SPAST: variants seen among roughly 807,000 people sequenced by gnomAD.
SPAST encodes the protein spastin, also known as spastic paraplegia 4 (autosomal dominant; spastin).
Under a neutral mutation model 76.6 loss-of-function variants are expected in SPAST, and 30 were observed. The ratio of observed to expected loss-of-function variants is 0.39; its 90% CI spans 0.29 to 0.53. SPAST has a LOEUF of 0.53. Among genes scored for constraint, SPAST ranks in the 20% least tolerant of loss-of-function variants. The probability of loss-of-function intolerance (pLI) is 0.68; values close to 1 mark genes in which losing one functional copy is unlikely to be tolerated. For missense variants in SPAST, 717 were observed against 770.5 expected, an observed-to-expected ratio of 0.93 and a Z score of 0.82; for synonymous variants, 305 against 281.0, an observed-to-expected ratio of 1.09 and a Z score of -0.86.
At chr2:32,143,230 G>A in intron 13 of SPAST, 106 bp from the exon 14 acceptor site, 1 of 697,954 alleles carries the variant, frequency 1.4e-6, no homozygotes, top group Middle Eastern at 3.5e-4. Flanking sequence ...ATTGTGCCCT[G>A]CACTCCAGCC....
At chr2:32,086,065 A>T (rs1210552340) in intron 1 of SPAST, among the ~76,000 whole-genome samples, 1 of 151,914 alleles carries the variant, frequency 6.6e-6, no homozygotes, top group Non-Finnish European at 1.5e-5. Context: ...ATAAATAAAT[A>T]AATAGACTTC....
intron 1 of SPAST, among the ~76,000 whole-genome samples, chr2:32,082,628 G>A (rs927312235): frequency 1.3e-5 from 2 of 151,970 alleles, no homozygotes; most frequent in Admixed American, 6.6e-5. Flanking sequence ...CCTGTGAGGC[G>A]GAGGTTCCAG....
intron 16 of SPAST, among the ~76,000 whole-genome samples, chr2:32,148,152 C>G (rs1679957878): frequency 6.6e-6 from 1 of 151,872 alleles, no homozygotes; most frequent in Admixed American, 6.6e-5. Flanking sequence ...AGGGTGGTCT[C>G]AGACTCTTGG....
chr2:32,067,382 A>G (rs1676564620), intron 1 of SPAST, among the ~76,000 whole-genome samples: 1 of 152,054 alleles, frequency 6.6e-6, no homozygotes, highest in Admixed American at 6.6e-5. Context: ...TTTAGTTAAC[A>G]CTGTTGGTTG....
chr2:32,102,516 A>C (rs1678164857), intron 4 of SPAST, among the ~76,000 whole-genome samples: 1 of 152,106 alleles, frequency 6.6e-6, no homozygotes, highest in African/African-American at 2.4e-5. Context: ...GTTGAACAGG[A>C]GTGGTGAGAG....
chr2:32,063,791 C>G lies in SPAST; in HGVS notation c.-41C>G. The G allele has an allele frequency of 6.5e-7, 1 of 1,547,810 alleles. No individual in the cohort carries two copies. The highest frequency in any genetic ancestry group is 8.7e-7 in the Non-Finnish European group (1 of 1,155,664). On this transcript the variant is annotated 5_prime_UTR_variant, in exon 1 of 17. Coordinates refer to ENST00000315285, the MANE Select transcript of SPAST (RefSeq NM_014946.4). Reference sequence around the variant, plus strand: ...CCGTCGCTTGGTTCCCGTCGGTCTGCGGGAGGCGGGTTATGGCGGCGGCGG... The same window carrying G: ...CCGTCGCTTGGTTCCCGTCGGTCTGGGGGAGGCGGGTTATGGCGGCGGCGG...
At chr2:32,115,969 T>C in intron 6 of SPAST, 134 bp downstream of exon 6, 2 of 958,216 alleles carry the variant, frequency 2.1e-6, no homozygotes, top group South Asian at 3.1e-5. Flanking sequence ...TAGTTTTCAA[T>C]TATAAATGTA....
At position 32,147,277 on chromosome 2, in the gene SPAST, A is replaced by T. The variant is rs745798224; in HGVS notation, c.1728+19A>T. ...CAGTGAGGTATAGTATTTTACAATG[A>T]TATTTTCTTTGTCTTCTATATTGTA... On this transcript the variant is annotated intron_variant, in intron 16 of 16. Coordinates refer to ENST00000315285, the MANE Select transcript of SPAST (RefSeq NM_014946.4). The T allele has an allele frequency of 2.6e-6, 4 of 1,536,374 alleles. No individual in the cohort carries two copies. The highest frequency in any genetic ancestry group is 3.6e-6 in the Non-Finnish European group (4 of 1,117,566).
chr2:32,135,758 G>C (rs1679516042), intron 9 of SPAST, among the ~76,000 whole-genome samples: 1 of 152,108 alleles, frequency 6.6e-6, no homozygotes, highest in South Asian at 2.1e-4. Flanking sequence ...TTTGAGATCA[G>C]CCTGGCCAAC....
chr2:32,064,082 G>C lies in SPAST; in HGVS notation c.251G>C (p.Arg84Pro), dbSNP rs1446944431. 6.2e-7 allele frequency: 1 copy of C among 1,611,892 alleles called. No individual in the cohort carries two copies. ...LFVWLCQRFS[R>P]ALMAAKRSSG... ...GTGTGGCTCTGCCAGCGCTTCTCCCGCGCCCTCATGGCAGCCAAGAGGAGC... is the reference window on the plus strand; with the variant it reads ...GTGTGGCTCTGCCAGCGCTTCTCCCCCGCCCTCATGGCAGCCAAGAGGAGC... The change falls in exon 1 of 17, where the codon CGC becomes CCC. Residue 84 changes from arginine (R) to proline (P), a missense_variant. Coordinates refer to ENST00000315285, the MANE Select transcript of SPAST (RefSeq NM_014946.4).
At chr2:32,069,109 A>G (rs1676643442) in intron 1 of SPAST, among the ~76,000 whole-genome samples, 1 of 151,788 alleles carries the variant, frequency 6.6e-6, no homozygotes, top group Non-Finnish European at 1.5e-5. Context: ...GGTACTTGGG[A>G]CGCTGACGCA....
chr2:32,153,130 A>T (rs1680142454), intron 16 of SPAST, among the ~76,000 whole-genome samples: 1 of 152,002 alleles, frequency 6.6e-6, no homozygotes, highest in Non-Finnish European at 1.5e-5. Context: ...GTGATATCTC[A>T]TGGAGATATC....
At chr2:32,079,220 A>T (rs556010117) in intron 1 of SPAST, among the ~76,000 whole-genome samples, 1 of 152,290 alleles carries the variant, frequency 6.6e-6, no homozygotes, top group African/African-American at 2.4e-5. Flanking sequence ...ATCACTGATT[A>T]GAACTGTGTT....
chr2:32,114,647 C>G lies in SPAST; in HGVS notation c.692C>G (p.Ala231Gly). 6.2e-7 allele frequency: 1 copy of G among 1,613,820 alleles called. No individual in the cohort carries two copies. Among genetic ancestry groups the G allele is most frequent in the East Asian group, 2.2e-5 (1 of 44,864 alleles). The change falls in exon 5 of 17, where the codon GCT becomes GGT. Residue 231 changes from alanine to glycine, a missense_variant. Ala to Gly is a moderately conservative substitution (Grantham distance 60, BLOSUM62 0). This residue lies in a region of SPAST where 543 missense variants were observed against 445.2 expected (regional missense o/e 1.22). Coordinates refer to ENST00000315285, the MANE Select transcript of SPAST (RefSeq NM_014946.4). Reference protein sequence around the residue: ...RNGHLQSESGAVPKRKDPLTH... With the variant: ...RNGHLQSESGGVPKRKDPLTH... ...ACTTTTTCCTTGTCAGAAAGTGGAGCTGTTCCAAAAAGAAAAGACCCCTTA... is the reference window on the plus strand; with the variant it reads ...ACTTTTTCCTTGTCAGAAAGTGGAGGTGTTCCAAAAAGAAAAGACCCCTTA...
rs191233337 is a variant in SPAST, at chr2:32,086,430, C to T, written c.416-1062C>T. Among the ~76,000 whole-genome samples, 355 of 151,164 alleles carry T rather than the reference C, an allele frequency of 2.3e-3. 3 individuals carry two copies. Among genetic ancestry groups the T allele is most frequent in the Admixed American group, 5.4e-3 (82 of 15,136 alleles). ...GCAGTGAGCTAGGATTGTGCCCCTGCACTCTAGTGTGGGTGACAGCAAGAC... is the reference window on the plus strand; with the variant it reads ...GCAGTGAGCTAGGATTGTGCCCCTGTACTCTAGTGTGGGTGACAGCAAGAC... On this transcript the variant is annotated intron_variant, in intron 1 of 16. Coordinates refer to ENST00000315285, the MANE Select transcript of SPAST (RefSeq NM_014946.4).
intron 4 of SPAST, among the ~76,000 whole-genome samples, chr2:32,105,387 A>G (rs909418536): frequency 3.3e-5 from 5 of 152,204 alleles, no homozygotes; most frequent in African/African-American, 1.2e-4. Flanking sequence ...CTTCTTTGCA[A>G]TGGTTTCGAA....
chr2:32,144,802 T>G (rs1286346872), intron 14 of SPAST, 135 bp from the exon 15 acceptor site: 7 of 667,332 alleles, frequency 1.0e-5, no homozygotes, highest in Admixed American at 4.1e-5. Context: ...GGTAGGAGAA[T>G]CGCTCCAGGA....
intron 1 of SPAST, among the ~76,000 whole-genome samples, chr2:32,069,022 C>A (rs1320243928): frequency 6.6e-6 from 1 of 151,992 alleles, no homozygotes; most frequent in African/African-American, 2.4e-5. Flanking sequence ...CCAGCCTGGC[C>A]AACATATTAG....
At chr2:32,087,899 T>C (rs1317932578) in intron 2 of SPAST, among the ~76,000 whole-genome samples, 1 of 150,194 alleles carries the variant, frequency 6.7e-6, no homozygotes, top group Non-Finnish European at 1.5e-5. Flanking sequence ...ATTACTAGTT[T>C]TTGAGACAGA....
Sources: allele counts gnomAD v4.1 joint callset (sites outside exome capture counted in the v4.1 genomes callset), GRCh38; gene constraint gnomAD v4.1.1; regional missense constraint gnomAD v4.1.1; transcripts MANE v1.5; gene names NCBI Gene and HGNC (gene_info 2026-07-23, HGNC 2026-07-21).